The following TENM2 variants were observed in gnomAD, a reference collection of about 807,000 sequenced individuals.
TENM2 encodes the protein teneurin-2.
Under a neutral mutation model 245.2 loss-of-function variants are expected in TENM2, and 52 were observed. The observed-to-expected ratio is 0.21, with a 90% CI of 0.17 to 0.27. The LOEUF is 0.27. TENM2 is among the 10% of genes least tolerant of loss of function. The pLI, the probability that TENM2 is intolerant of heterozygous loss-of-function variation, is 1.00. For synonymous variants in TENM2, 1,363 were observed against 1,438.9 expected, an observed-to-expected ratio of 0.95 and a Z score of 1.19; for missense variants, 3,046 against 3,666.8, an observed-to-expected ratio of 0.83 and a Z score of 4.37.
At chr5:167,183,107 G>C in the TENM2 span, among the ~76,000 whole-genome samples, 1 of 152,050 alleles carries the variant, frequency 6.6e-6, no homozygotes, top group South Asian at 2.1e-4. Flanking sequence ...CCATTATGCT[G>C]TTTCTCACCA....
At chr5:167,622,978 T>C (rs1201507063) in intron 2 of TENM2, among the ~76,000 whole-genome samples, 6 of 152,178 alleles carry the variant, frequency 3.9e-5, no homozygotes, top group Non-Finnish European at 7.3e-5. Context: ...TCTGTACTTG[T>C]GGCAGGGAAA....
At chr5:167,526,489 T>G in intron 2 of TENM2, among the ~76,000 whole-genome samples, 1 of 152,188 alleles carries the variant, frequency 6.6e-6, no homozygotes. Flanking sequence ...AAGAAGCCTA[T>G]ATCACTACTT....
the TENM2 span, among the ~76,000 whole-genome samples, chr5:167,258,016 C>T: frequency 6.6e-6 from 1 of 151,700 alleles, no homozygotes; most frequent in Non-Finnish European, 1.5e-5. Flanking sequence ...AGGAAATGGC[C>T]ATTGGTTTTC....
intron 7 of TENM2, among the ~76,000 whole-genome samples, chr5:168,076,218 ATTTTATTTTATTTTAT>A (rs1458786240): frequency 3.1e-5 from 2 of 64,654 alleles, no homozygotes; most frequent in Non-Finnish European, 6.3e-5. Context: ...ATTTTATTTT[ATTTTATTTTATTTTAT>A]TTTATTTTTG....
At chr5:167,344,397 A>C (rs1758338874) in intron 1 of TENM2, among the ~76,000 whole-genome samples, 1 of 150,700 alleles carries the variant, frequency 6.6e-6, no homozygotes, top group African/African-American at 2.4e-5. Flanking sequence ...TGGCCATCTG[A>C]ATTGCATTTG....
intron 5 of TENM2, among the ~76,000 whole-genome samples, chr5:168,010,980 C>T (rs182566645): frequency 4.6e-5 from 7 of 152,304 alleles, no homozygotes; most frequent in Non-Finnish European, 8.8e-5. Flanking sequence ...GATGGGAACC[C>T]GCTAGGTCTT....
At chr5:168,185,192 A>T (rs1760278836) in intron 13 of TENM2, 1 of 152,128 alleles carries the variant, frequency 6.6e-6, no homozygotes, top group Non-Finnish European at 1.5e-5. Context: ...AGGAAGCGTC[A>T]CCCCTCCTAA....
chr5:168,183,993 C>T (rs1760167146), intron 13 of TENM2, among the ~76,000 whole-genome samples: 1 of 152,178 alleles, frequency 6.6e-6, no homozygotes, highest in East Asian at 1.9e-4. Flanking sequence ...TTTGTCAATT[C>T]ACCTGGGGAA....
Position 167,727,183 on chromosome 5 carries a change from C to A in TENM2, c.503-148803C>A, listed in dbSNP as rs551603690. On this transcript the variant is annotated intron_variant, in intron 2 of 28. Transcript: ENST00000518659. Reference sequence around the variant, plus strand: ...GGAGTGCAGTGGCGTGATCTTGGCTCACTGCAAGCTCCATCTCCCGGGTTC... The same window carrying A: ...GGAGTGCAGTGGCGTGATCTTGGCTAACTGCAAGCTCCATCTCCCGGGTTC... Among the ~76,000 whole-genome samples, 3 of 139,048 alleles carry A rather than the reference C, an allele frequency of 2.2e-5. No homozygotes were observed. The South Asian group carries it at 7.0e-4, about 33-fold the overall frequency. 91.2% of individuals were successfully genotyped at this position (139,048 alleles called of 152,430 possible). A position where few individuals can be genotyped will look rare whatever the true frequency, so the allele number is the denominator to read the frequency against.
At position 167,879,246 on chromosome 5, in the gene TENM2, C is replaced by T. The variant is rs149770091; in HGVS notation, c.712+3051C>T. Reference sequence around the variant, plus strand: ...CATTCTTTAGTGAATGGTACTAAAACCTTGCCACCTTTGGAGTCAAATTGC... The same window carrying T: ...CATTCTTTAGTGAATGGTACTAAAATCTTGCCACCTTTGGAGTCAAATTGC... On this transcript the variant is annotated intron_variant, in intron 3 of 28. Transcript: ENST00000518659. 2.3e-3 allele frequency among the ~76,000 whole-genome samples: 357 copies of T among 152,274 alleles called. 1 individual carries two copies. Among genetic ancestry groups the T allele is most frequent in the Non-Finnish European group, 4.2e-3 (288 of 68,018 alleles).
intron 12 of TENM2, chr5:168,149,510 A>G: frequency 2.2e-6 from 1 of 444,540 alleles, no homozygotes; most frequent in Non-Finnish European, 4.5e-6. Context: ...GAGGCATGTT[A>G]GGAAAACAGA....
chr5:167,283,297 G>A (rs1771160797), upstream of TENM2, among the ~76,000 whole-genome samples: 1 of 151,664 alleles, frequency 6.6e-6, no homozygotes, highest in Middle Eastern at 3.2e-3. Flanking sequence ...CACCCGCCTC[G>A]GCCTCCCAAA....
exon 7 of TENM2, chr5:168,062,242 G>C: frequency 6.2e-7 from 1 of 1,613,506 alleles, no homozygotes; most frequent in Non-Finnish European, 8.5e-7. Context: ...CATAAGAAGA[G>C]GACTTCCACC....
intron 2 of TENM2, among the ~76,000 whole-genome samples, chr5:167,440,199 G>A (rs1423688843): frequency 6.6e-6 from 1 of 152,084 alleles, no homozygotes; most frequent in Admixed American, 6.6e-5. Flanking sequence ...ATAATATATT[G>A]AGATCATTCT....
intron 2 of TENM2, among the ~76,000 whole-genome samples, chr5:167,839,917 A>G (rs1769344651): frequency 6.6e-6 from 1 of 152,190 alleles, no homozygotes; most frequent in South Asian, 2.1e-4. Context: ...TCCCGGGTTC[A>G]AGCAATTCTC....
chr5:168,042,390 G>T (rs903061586), intron 5 of TENM2, among the ~76,000 whole-genome samples: 2 of 152,106 alleles, frequency 1.3e-5, no homozygotes, highest in Non-Finnish European at 2.9e-5. Context: ...GACAAGCAGG[G>T]GCTGAGCAGC....
At chr5:167,697,303 G>T (rs1757829072) in intron 2 of TENM2, among the ~76,000 whole-genome samples, 1 of 152,102 alleles carries the variant, frequency 6.6e-6, no homozygotes, top group African/African-American at 2.4e-5. Context: ...CCCACTTTTA[G>T]AAATAGTTCC....
chr5:167,821,830 A>G (rs2151040579), intron 2 of TENM2, among the ~76,000 whole-genome samples: 1 of 152,172 alleles, frequency 6.6e-6, no homozygotes, highest in Admixed American at 6.5e-5. Context: ...CTCTCTCATT[A>G]GGGTCTGTGC....
intron 3 of TENM2, among the ~76,000 whole-genome samples, chr5:167,896,375 G>A (rs1471602864): frequency 6.6e-6 from 1 of 152,202 alleles, no homozygotes; most frequent in Admixed American, 6.5e-5. Context: ...ACTGGATTGA[G>A]GCTGGAATCT....
Sources: allele counts gnomAD v4.1 joint callset (sites outside exome capture counted in the v4.1 genomes callset), GRCh38; gene constraint gnomAD v4.1.1; transcripts MANE v1.5; gene names NCBI Gene and HGNC (gene_info 2026-07-23, HGNC 2026-07-21).